The following ADAM10 variants were observed in gnomAD, a reference collection of about 807,000 sequenced individuals.
ADAM10 encodes the protein ADAM metallopeptidase domain 10, also known as disintegrin and metalloproteinase domain-containing protein 10.
ADAM10 carries 17 observed loss-of-function variants against 90.1 expected under a neutral mutation model. The observed-to-expected ratio is 0.19, with a 90% CI of 0.13 to 0.28. The LOEUF (loss-of-function observed/expected upper bound fraction) is 0.28. Ranked by LOEUF, ADAM10 falls within the 10% of genes least tolerant of loss-of-function variation. The probability of loss-of-function intolerance (pLI) is 1.00; values close to 1 mark genes in which losing one functional copy is unlikely to be tolerated. For synonymous variants in ADAM10, 310 were observed against 298.6 expected, an observed-to-expected ratio of 1.04 and a Z score of -0.40; for missense variants, 610 against 914.3, an observed-to-expected ratio of 0.67 and a Z score of 4.29.
intron 4 of ADAM10, chr15:58,672,748 T>C: frequency 8.4e-6 from 1 of 119,324 alleles, no homozygotes; most frequent in African/African-American, 3.4e-5. Flanking sequence ...AAGAAATGGA[T>C]ATTGCTGCAT....
intron 1 of ADAM10, chr15:58,747,677 C>A (rs1454051202): frequency 6.6e-6 from 1 of 152,048 alleles, no homozygotes; most frequent in Non-Finnish European, 1.5e-5. Context: ...AAAAGTTCTG[C>A]TTAACAAAAA....
chr15:58,627,900 A>G lies in ADAM10; in HGVS notation c.1177-17T>C. On this transcript the variant is annotated splice_polypyrimidine_tract_variant and intron_variant, in intron 9 of 15. Coordinates refer to ENST00000260408, the MANE Select transcript of ADAM10 (RefSeq NM_001110.4). ...AGAATCATGCTGTCAAAAAGAATAT[A>G]AAGTTACATAAACAGGAAGTAAAAT... 6.2e-7 allele frequency: 1 copy of G among 1,611,400 alleles called. No homozygotes were observed. Among genetic ancestry groups the G allele is most frequent in the Non-Finnish European group, 8.5e-7 (1 of 1,178,914 alleles).
chr15:58,718,179 A>T (rs1441274674), intron 1 of ADAM10, among the ~76,000 whole-genome samples: 1 of 151,954 alleles, frequency 6.6e-6, no homozygotes, highest in African/African-American at 2.4e-5. Flanking sequence ...TATAAAAATA[A>T]ATAAAAAGTT....
Position 58,595,604 on chromosome 15 carries a change from G to C in ADAM10, c.*1943C>G, listed in dbSNP as rs554897995. 6 of 152,204 alleles carry C rather than the reference G, an allele frequency of 3.9e-5. No individual in the cohort carries two copies. The highest frequency in any genetic ancestry group is 8.8e-5 in the Non-Finnish European group (6 of 67,968). The allele number at this position is 152,204 out of a possible 1,614,324, so 9.4% of individuals were successfully genotyped here. On this transcript the variant is annotated 3_prime_UTR_variant, in exon 16 of 16. Transcript: ENST00000260408. Reference sequence around the variant, plus strand: ...TATTACCACATCTTGATTCGCAGTGGAAAGAGTTCAGTGCATGTATCTCTT... The same window carrying C: ...TATTACCACATCTTGATTCGCAGTGCAAAGAGTTCAGTGCATGTATCTCTT...
Position 58,671,292 on chromosome 15 carries a change from T to C in ADAM10, c.485-6095A>G, listed in dbSNP as rs1897184922. On this transcript the variant is annotated intron_variant, in intron 4 of 15. Coordinates refer to ENST00000260408, the MANE Select transcript of ADAM10 (RefSeq NM_001110.4). ...AAATACAAGATAGCAAGACTGCTTATGGAGATTATCTAATCCCCCAATTTA... is the reference window on the plus strand; with the variant it reads ...AAATACAAGATAGCAAGACTGCTTACGGAGATTATCTAATCCCCCAATTTA... Among the ~76,000 whole-genome samples the C allele has an allele frequency of 3.3e-5, 5 of 152,354 alleles. 1 individual carries two copies. In the South Asian group the frequency reaches 8.3e-4, roughly 25 times the overall value.
At chr15:58,637,152 T>G (rs2140681412) in intron 8 of ADAM10, among the ~76,000 whole-genome samples, 1 of 152,340 alleles carries the variant, frequency 6.6e-6, no homozygotes, top group Admixed American at 6.5e-5. Context: ...TTCTGTACGC[T>G]CTCAAATTTT....
chr15:58,620,217 G>C (rs1895739124), intron 11 of ADAM10, among the ~76,000 whole-genome samples: 1 of 152,086 alleles, frequency 6.6e-6, no homozygotes, highest in African/African-American at 2.4e-5. Flanking sequence ...TGTAATCCTA[G>C]CACTTCGGGA....
intron 5 of ADAM10, among the ~76,000 whole-genome samples, chr15:58,658,337 T>C (rs948394282): frequency 2.6e-5 from 4 of 152,216 alleles, no homozygotes; most frequent in Non-Finnish European, 5.9e-5. Flanking sequence ...GGACTCTCTA[T>C]GTTGCTACAT....
At chr15:58,721,987 C>G (rs1595656008) in intron 1 of ADAM10, among the ~76,000 whole-genome samples, 1 of 151,988 alleles carries the variant, frequency 6.6e-6, no homozygotes, top group Non-Finnish European at 1.5e-5. Context: ...AAAACCGCAC[C>G]ATTGCAATCC....
chr15:58,619,700 C>T (rs533475863), intron 11 of ADAM10, among the ~76,000 whole-genome samples: 171 of 151,916 alleles, frequency 1.1e-3, no homozygotes, highest in African/African-American at 3.7e-3. Context: ...GTCAGGAGAT[C>T]GAGACCACCT....
intron 2 of ADAM10, among the ~76,000 whole-genome samples, chr15:58,693,875 A>G (rs905927296): frequency 2.0e-5 from 3 of 152,200 alleles, no homozygotes; most frequent in East Asian, 1.9e-4. Context: ...CAAATCAATA[A>G]TAAGACAACC....
chr15:58,696,466 C>T (rs55988801), intron 2 of ADAM10, among the ~76,000 whole-genome samples: 83,316 of 143,548 alleles, frequency 0.58, 25,030 homozygotes, highest in South Asian at 0.68. Flanking sequence ...TTCTTTCTTT[C>T]TTTTTTTTTT....
chr15:58,653,564 C>T (rs1896739739), intron 5 of ADAM10, among the ~76,000 whole-genome samples: 1 of 152,076 alleles, frequency 6.6e-6, no homozygotes, highest in Admixed American at 6.6e-5. Context: ...GGGATAAATA[C>T]CACTTAGTCA....
rs1444583489 is a variant in ADAM10 at position 58,589,288 on chromosome 15, T to A, written c.*8259A>T. 6 of 152,200 alleles carry A rather than the reference T, an allele frequency of 3.9e-5. No homozygotes were observed. Among genetic ancestry groups the A allele is most frequent in the Admixed American group, 1.3e-4 (2 of 15,272 alleles). 9.4% of individuals were successfully genotyped at this position (152,200 alleles called of 1,614,324 possible). ...AGAGTCATGAAAATAGCAAAGAACA[T>A]GACGACAGTCAACTGCCCCATGGTT... On this transcript the variant is annotated 3_prime_UTR_variant, in exon 16 of 16. Transcript: ENST00000260408.
At chr15:58,701,021 A>AAAAAAAAAAAAAAAAGGGAAAAAAT (rs1898119123) in intron 2 of ADAM10, among the ~76,000 whole-genome samples, 1 of 121,194 alleles carries the variant, frequency 8.3e-6, no homozygotes, top group Non-Finnish European at 1.7e-5. Context: ...AAACAAAAAA[A>AAAAAAAAAAAAAAAAGGGAAAAAAT]CAAAAAAAAA....
At chr15:58,634,369 CA>C (rs1390283541) in intron 8 of ADAM10, among the ~76,000 whole-genome samples, 2 of 149,744 alleles carry the variant, frequency 1.3e-5, no homozygotes, top group Non-Finnish European at 1.5e-5. Flanking sequence ...TTGAAATCTT[CA>C]AAAAAAAATT....
intron 1 of ADAM10, among the ~76,000 whole-genome samples, chr15:58,729,970 A>AAAAG (rs1173019763): frequency 7.2e-6 from 1 of 138,602 alleles, no homozygotes; most frequent in East Asian, 3.0e-4. Flanking sequence ...AAAAAAAACA[A>AAAAG]AAACAAAAAC....
chr15:58,679,309 A>G (rs1292945026), intron 3 of ADAM10, 27 bp from the exon 4 acceptor site: 1 of 1,610,368 alleles, frequency 6.2e-7, no homozygotes, highest in South Asian at 1.1e-5. Context: ...CAAATTCTTG[A>G]CAATTTAATT....
At chr15:58,610,207 T>A (rs781737960) in intron 14 of ADAM10, 90 bp downstream of exon 14, 294 of 1,024,142 alleles carry the variant, frequency 2.9e-4, no homozygotes, top group Non-Finnish European at 4.1e-4. Flanking sequence ...AATAGTTAAG[T>A]TGTTTTCTCG....
Sources: allele counts gnomAD v4.1 joint callset (sites outside exome capture counted in the v4.1 genomes callset), GRCh38; gene constraint gnomAD v4.1.1; transcripts MANE v1.5; gene names NCBI Gene and HGNC (gene_info 2026-07-23, HGNC 2026-07-21).